YWHAE: variants seen among roughly 807,000 people sequenced by gnomAD.
YWHAE encodes tyrosine 3-monooxygenase/tryptophan 5-monooxygenase activation protein epsilon, also known as 14-3-3 protein epsilon.
In YWHAE, 4 loss-of-function variants were observed where a neutral mutation model predicts 30.1. That is an observed-to-expected ratio of 0.13 (90% CI 0.07 to 0.30). The LOEUF (loss-of-function observed/expected upper bound fraction) is 0.30, where lower values mean the gene tolerates loss of function less well. YWHAE is among the 10% of genes least tolerant of loss of function. The pLI is 1.00. For missense variants in YWHAE, 121 were observed against 315.9 expected (o/e 0.38, Z 4.68); for synonymous variants, 118 against 111.8 (o/e 1.06, Z -0.35).
chr17:1,374,800 A>T (rs2073099296), intron 1 of YWHAE, among the ~76,000 whole-genome samples: 1 of 152,046 alleles, frequency 6.6e-6, no homozygotes, highest in South Asian at 2.1e-4. Flanking sequence ...GGTATGTAGG[A>T]GTTGTTCATT....
intron 1 of YWHAE, among the ~76,000 whole-genome samples, chr17:1,368,079 C>T (rs981218547): frequency 6.6e-6 from 1 of 151,670 alleles, no homozygotes; most frequent in African/African-American, 2.4e-5. Context: ...GGTGACACCC[C>T]GTCTCTACTA....
intron 4 of YWHAE, among the ~76,000 whole-genome samples, chr17:1,358,292 T>C (rs936808553): frequency 6.6e-6 from 1 of 151,990 alleles, no homozygotes; most frequent in South Asian, 2.1e-4. Context: ...CAGGCTGGAG[T>C]GCAGTGGCGT....
rs192435648 is a variant in YWHAE, at chr17:1,387,065, C to T, written c.64+12982G>A. ...AGGTTAAAAAGAAACAAAAACAAGA[C>T]AATCTTTTACCAAGATTCTACAATT... On this transcript the variant is annotated intron_variant, in intron 1 of 5. Transcript: ENST00000264335. 1.2e-3 allele frequency among the ~76,000 whole-genome samples: 179 copies of T among 152,272 alleles called. 1 individual carries two copies. The highest frequency in any genetic ancestry group is 4.1e-3 in the African/African-American group (170 of 41,570).
At position 1,388,097 on chromosome 17, in the gene YWHAE, TTTTGTTTTTTTTTTTGGTTGG is replaced by T. The variant is rs1462830868; in HGVS notation, c.64+11929_64+11949del. Among the ~76,000 whole-genome samples, 174 of 77,470 alleles carry T rather than the reference TTTTGTTTTTTTTTTTGGTTGG, an allele frequency of 2.2e-3. 1 individual carries two copies. The highest frequency in any genetic ancestry group is 7.4e-3 in the South Asian group (15 of 2,040). 50.8% of individuals were successfully genotyped at this position (77,470 alleles called of 152,430 possible). A position where few individuals can be genotyped will look rare whatever the true frequency, so the allele number is the denominator to read the frequency against. On this transcript the variant is annotated intron_variant, in intron 1 of 5. Transcript: ENST00000264335. Reference sequence around the variant, plus strand: ...CGTGCCACCACCACGCCTGGGTAATTTTTGTTTTTTTTTTTGGTTGGTTTTTTTTTTTTTTTTTTTTTTTTA... The same window carrying T: ...CGTGCCACCACCACGCCTGGGTAATTTTTTTTTTTTTTTTTTTTTTTTTTA...
intron 1 of YWHAE, among the ~76,000 whole-genome samples, chr17:1,381,315 G>T (rs1431507258): frequency 6.6e-6 from 1 of 152,026 alleles, no homozygotes; most frequent in Non-Finnish European, 1.5e-5. Flanking sequence ...AGGAGTTCGA[G>T]ACCAGCCTGA....
At chr17:1,366,652 T>C (rs2072947441) in intron 1 of YWHAE, among the ~76,000 whole-genome samples, 1 of 151,856 alleles carries the variant, frequency 6.6e-6, no homozygotes, top group Non-Finnish European at 1.5e-5. Flanking sequence ...CATAAAACAC[T>C]ACTAAATTGG....
intron 1 of YWHAE, among the ~76,000 whole-genome samples, chr17:1,393,893 T>C (rs1598273929): frequency 1.3e-5 from 2 of 152,200 alleles, no homozygotes; most frequent in African/African-American, 4.8e-5. Context: ...TGGGATTTTA[T>C]CTCTGAAAAA....
intron 4 of YWHAE, among the ~76,000 whole-genome samples, chr17:1,360,722 C>T (rs1450703705): frequency 6.6e-6 from 1 of 151,964 alleles, no homozygotes; most frequent in Non-Finnish European, 1.5e-5. Context: ...TCTGAGATGG[C>T]GCCACTGCAC....
intron 4 of YWHAE, among the ~76,000 whole-genome samples, chr17:1,358,443 G>A (rs550414800): frequency 1.1e-3 from 174 of 151,828 alleles, no homozygotes; most frequent in Non-Finnish European, 2.2e-3. Context: ...GTTTCACCAC[G>A]TTAGCCACGA....
chr17:1,389,375 T>C (rs1019983805), intron 1 of YWHAE, among the ~76,000 whole-genome samples: 1 of 152,188 alleles, frequency 6.6e-6, no homozygotes, highest in Non-Finnish European at 1.5e-5. Context: ...AAGTAGTATT[T>C]AGTAGCTTTT....
intron 2 of YWHAE, among the ~76,000 whole-genome samples, chr17:1,363,812 G>C (rs1364022841): frequency 7.4e-6 from 1 of 135,826 alleles, no homozygotes; most frequent in Non-Finnish European, 1.5e-5. Flanking sequence ...CACCTGCCCT[G>C]TAATTCTCTT....
Position 1,400,153 on chromosome 17 carries a change from G to T in YWHAE, c.-43C>A. 1 of 1,610,374 alleles carries T rather than the reference G, an allele frequency of 6.2e-7. No homozygotes were observed. Among genetic ancestry groups the T allele is most frequent in the Non-Finnish European group, 8.5e-7 (1 of 1,176,780 alleles). On this transcript the variant is annotated 5_prime_UTR_variant, in exon 1 of 6. Transcript: ENST00000264335. ...CAGGGTCTGCGCGACGGATGGAAGC[G>T]GATAGTGTCTCCGACTCTCTCAGCC...
At chr17:1,375,059 GACTATAGGTGCACACT>G (rs1463027168) in intron 1 of YWHAE, among the ~76,000 whole-genome samples, 1 of 152,104 alleles carries the variant, frequency 6.6e-6, no homozygotes, top group African/African-American at 2.4e-5. Context: ...AAGTAACTGG[GACTATAGGTGCACACT>G]ACCAAGCACA....
At chr17:1,364,716 A>T in intron 2 of YWHAE, 143 bp downstream of exon 2, 1 of 1,061,100 alleles carries the variant, frequency 9.4e-7, no homozygotes, top group Admixed American at 2.4e-5. Context: ...AACCAGGCAC[A>T]AAGATCAATA....
At chr17:1,390,631 A>AT (rs1366904089) in intron 1 of YWHAE, among the ~76,000 whole-genome samples, 1 of 152,238 alleles carries the variant, frequency 6.6e-6, no homozygotes, top group Non-Finnish European at 1.5e-5. Flanking sequence ...GAACCCAGTG[A>AT]TTCCTGTGCA....
At chr17:1,374,361 G>A (rs2073093145) in intron 1 of YWHAE, among the ~76,000 whole-genome samples, 1 of 152,024 alleles carries the variant, frequency 6.6e-6, no homozygotes, top group Non-Finnish European at 1.5e-5. Flanking sequence ...TGAACATTTG[G>A]GTTGTTTCCA....
In YWHAE at chr17:1,389,470, T is replaced by C. The variant is rs372142238; in HGVS notation, c.64+10577A>G. 5.3e-5 allele frequency among the ~76,000 whole-genome samples: 8 copies of C among 152,244 alleles called. No individual in the cohort carries two copies. The South Asian group carries it at 1.7e-3, about 32-fold the overall frequency. The stretch of plus-strand genomic sequence containing the variant: ...ACAAAATTGGTCATAGCTAACACCA[T>C]TTTTCTTAAGTAATCTGAGATGGCT... On this transcript the variant is annotated intron_variant, in intron 1 of 5. Coordinates refer to ENST00000264335, the MANE Select transcript of YWHAE (RefSeq NM_006761.5).
At chr17:1,361,624 T>C in intron 3 of YWHAE, 1 of 421,048 alleles carries the variant, frequency 2.4e-6, no homozygotes, top group Non-Finnish European at 4.2e-6. Flanking sequence ...TTATTAATCA[T>C]AAAATAAAAT....
In YWHAE at chr17:1,400,172, C is replaced by T. The variant is rs957676238; in HGVS notation, c.-62G>A. 2 of 1,594,632 alleles carry T rather than the reference C, an allele frequency of 1.3e-6. No homozygotes were observed. Among genetic ancestry groups the T allele is most frequent in the South Asian group, 2.2e-5 (2 of 90,712 alleles). ...GGAAGCGGATAGTGTCTCCGACTCT[C>T]TCAGCCTCTCGCTCCGCGTCCGGGC... On this transcript the variant is annotated 5_prime_UTR_variant, in exon 1 of 6. Coordinates refer to ENST00000264335, the MANE Select transcript of YWHAE (RefSeq NM_006761.5).
Sources: allele counts gnomAD v4.1 joint callset (sites outside exome capture counted in the v4.1 genomes callset), GRCh38; gene constraint gnomAD v4.1.1; transcripts MANE v1.5; gene names NCBI Gene and HGNC (gene_info 2026-07-23, HGNC 2026-07-21).